Variants in ZNF578 observed in about 807,000 individuals in gnomAD.
ZNF578 encodes zinc finger protein 578.
ZNF578 carries 8 observed loss-of-function variants against 8.3 expected under a neutral mutation model. The ratio of observed to expected loss-of-function variants is 0.96; its 90% CI spans 0.56 to 1.74. ZNF578 has a LOEUF of 1.74. Among genes scored for constraint, ZNF578 ranks in the 40% most tolerant of loss-of-function variants. ZNF578 has a pLI of 0.00. For synonymous variants in ZNF578, 206 were observed against 232.2 expected (o/e 0.89, Z 1.03); for missense variants, 726 against 707.5 (o/e 1.03, Z -0.30).
intron 5 of ZNF578, among the ~76,000 whole-genome samples, chr19:52,505,876 T>C (rs2059423898): frequency 6.6e-6 from 1 of 151,912 alleles, no homozygotes; most frequent in Admixed American, 6.6e-5. Flanking sequence ...TCAGACACAG[T>C]GGCTTTCAAC....
chr19:52,493,082 T>C (rs2059372074), intron 3 of ZNF578, among the ~76,000 whole-genome samples: 1 of 152,242 alleles, frequency 6.6e-6, no homozygotes. Context: ...TGTAGGGCAG[T>C]GTATACACTT....
rs944426125 is a variant in ZNF578, at chr19:52,504,896, T to A, written c.190+115T>A. Reference sequence around the variant, plus strand: ...CATACGTGGTTTTTTTGTTTGATTGTTTGTTTGGTTTGAGATGGATCTTTG... The same window carrying A: ...CATACGTGGTTTTTTTGTTTGATTGATTGTTTGGTTTGAGATGGATCTTTG... On this transcript the variant is annotated intron_variant, in intron 5 of 5. Coordinates refer to ENST00000421239, the MANE Select transcript of ZNF578 (RefSeq NM_001099694.2). The A allele has an allele frequency of 2.1e-5, 32 of 1,553,616 alleles. No individual in the cohort carries two copies. In the African/African-American group the frequency reaches 3.9e-4, roughly 19 times the overall value.
At chr19:52,502,727 ACT>A (rs1247955338) in intron 4 of ZNF578, among the ~76,000 whole-genome samples, 3 of 151,966 alleles carry the variant, frequency 2.0e-5, no homozygotes, top group African/African-American at 4.8e-5. Context: ...ACGGAGCAAG[ACT>A]CTGTCTCAAA....
intron 4 of ZNF578, among the ~76,000 whole-genome samples, chr19:52,502,212 T>G (rs765757172): frequency 6.6e-6 from 1 of 152,170 alleles, no homozygotes; most frequent in Non-Finnish European, 1.5e-5. Context: ...ATGTCATTGC[T>G]GCTGGGCAGC....
chr19:52,463,122 G>T (rs541623490), intron 2 of ZNF578, among the ~76,000 whole-genome samples: 2 of 152,110 alleles, frequency 1.3e-5, no homozygotes, highest in East Asian at 3.8e-4. Context: ...CGATTGGCTC[G>T]CTCAACAATC....
At chr19:52,480,439 G>T (rs1313647616) in intron 2 of ZNF578, among the ~76,000 whole-genome samples, 1 of 152,068 alleles carries the variant, frequency 6.6e-6, no homozygotes, top group East Asian at 1.9e-4. Flanking sequence ...CACTATGGCT[G>T]GTTAAATACA....
intron 2 of ZNF578, among the ~76,000 whole-genome samples, chr19:52,467,574 C>T (rs2059279370): frequency 6.6e-6 from 1 of 151,890 alleles, no homozygotes; most frequent in Non-Finnish European, 1.5e-5. Context: ...ATGATCAAAC[C>T]ACTGCATTCC....
At chr19:52,484,381 C>G (rs374889854) in intron 2 of ZNF578, among the ~76,000 whole-genome samples, 1 of 152,284 alleles carries the variant, frequency 6.6e-6, no homozygotes, top group African/African-American at 2.4e-5. Flanking sequence ...CACTAATCCT[C>G]CTCAGCACAG....
Position 52,515,945 on chromosome 19 carries a change from G to A in ZNF578, c.*3791G>A, listed in dbSNP as rs189327930. On this transcript the variant is annotated 3_prime_UTR_variant, in exon 6 of 6. Transcript: ENST00000421239. ...GCAGGGAACCCTCCACCGGCTTCCCGTGTTCCCCAGGACAAAAGCCCAACC... is the reference window on the plus strand; with the variant it reads ...GCAGGGAACCCTCCACCGGCTTCCCATGTTCCCCAGGACAAAAGCCCAACC... Among the ~76,000 whole-genome samples the A allele has an allele frequency of 3.3e-5, 5 of 152,044 alleles. No individual in the cohort carries two copies. Among genetic ancestry groups the A allele is most frequent in the South Asian group, 4.1e-4 (2 of 4,828 alleles).
chr19:52,474,943 G>T, intron 2 of ZNF578: 1 of 187,898 alleles, frequency 5.3e-6, no homozygotes, highest in South Asian at 1.2e-4. Flanking sequence ...TGTGAATTGC[G>T]ACTAAAGACT....
chr19:52,487,397 A>G (rs555815680), intron 2 of ZNF578, among the ~76,000 whole-genome samples: 5 of 152,290 alleles, frequency 3.3e-5, no homozygotes, highest in African/African-American at 1.2e-4. Flanking sequence ...TATATAATCT[A>G]ATAACTAAAA....
intron 2 of ZNF578, among the ~76,000 whole-genome samples, chr19:52,478,775 A>G (rs763079052): frequency 6.8e-4 from 103 of 152,016 alleles, no homozygotes; most frequent in Non-Finnish European, 1.8e-4. Context: ...GTGCAGTGGC[A>G]TGATCTCAGC....
intron 2 of ZNF578, among the ~76,000 whole-genome samples, chr19:52,490,848 A>G (rs1464729788): frequency 6.6e-6 from 1 of 152,116 alleles, no homozygotes; most frequent in Non-Finnish European, 1.5e-5. Context: ...TGATTATTTG[A>G]CAATACAGAA....
rs7257799 is a variant in ZNF578, at chr19:52,515,993, C to T, written c.*3839C>T. ...ACCCCTCACTGTGGCTCCACAGCCC[C>T]GTGTGCAGGGCCCCTGCCAGTGTCC... On this transcript the variant is annotated 3_prime_UTR_variant, in exon 6 of 6. Coordinates refer to ENST00000421239, the MANE Select transcript of ZNF578 (RefSeq NM_001099694.2). Among the ~76,000 whole-genome samples the T allele has an allele frequency of 0.072, 11,014 of 152,026 alleles. 464 individuals carry two copies. The highest frequency in any genetic ancestry group is 0.14 in the Middle Eastern group (40 of 294).
chr19:52,502,991 C>T (rs991472573), intron 4 of ZNF578, among the ~76,000 whole-genome samples: 2 of 152,122 alleles, frequency 1.3e-5, no homozygotes. Flanking sequence ...CTCTGGGTTT[C>T]AAGCAATTCT....
intron 2 of ZNF578, among the ~76,000 whole-genome samples, chr19:52,490,645 T>C (rs994856833): frequency 6.6e-6 from 1 of 152,048 alleles, no homozygotes; most frequent in African/African-American, 2.4e-5. Context: ...TTAACATTTT[T>C]TTTTTTTTTT....
At chr19:52,505,258 A>G (rs1410746300) in intron 5 of ZNF578, among the ~76,000 whole-genome samples, 1 of 151,988 alleles carries the variant, frequency 6.6e-6, no homozygotes, top group Non-Finnish European at 1.5e-5. Context: ...CCCATAAACT[A>G]ATGATCATCT....
At position 52,512,051 on chromosome 19, in the gene ZNF578, A is replaced by G. The variant is rs753055667; in HGVS notation, c.1670A>G (p.His557Arg). 13 of 1,613,918 alleles carry G rather than the reference A, an allele frequency of 8.1e-6. No individual in the cohort carries two copies. Among genetic ancestry groups the G allele is most frequent in the African/African-American group, 5.3e-5 (4 of 74,868 alleles). Reference sequence around the variant, plus strand: ...ATGTGCCATTCTTATCTGGCAAACCATACTAGAATTCATAGCGGAGAGAAA... The same window carrying G: ...ATGTGCCATTCTTATCTGGCAAACCGTACTAGAATTCATAGCGGAGAGAAA... ...AFMCHSYLAN[H>R]TRIHSGEKPY... Residue 557 changes from histidine to arginine, a missense_variant, in exon 6 of 6, where the codon CAT (histidine) becomes CGT (arginine). His to Arg is a conservative substitution (Grantham distance 29, BLOSUM62 0). Transcript: ENST00000421239.
chr19:52,502,052 C>A, intron 4 of ZNF578, 144 bp downstream of exon 4: 4 of 1,252,562 alleles, frequency 3.2e-6, no homozygotes, highest in South Asian at 2.9e-5. Flanking sequence ...CTTGCACTCA[C>A]CCATGCCTGC....
Sources: allele counts gnomAD v4.1 joint callset (sites outside exome capture counted in the v4.1 genomes callset), GRCh38; gene constraint gnomAD v4.1.1; transcripts MANE v1.5; gene names NCBI Gene and HGNC (gene_info 2026-07-23, HGNC 2026-07-21).